The following ADGRG4 variants were observed in gnomAD, a reference collection of about 807,000 sequenced individuals.
ADGRG4 encodes the protein adhesion G protein-coupled receptor G4.
ADGRG4 carries 122 observed loss-of-function variants against 126.2 expected under a neutral mutation model. The observed-to-expected ratio is 0.97, with a 90% CI of 0.83 to 1.12. The LOEUF (loss-of-function observed/expected upper bound fraction) is 1.12, where lower values mean the gene tolerates loss of function less well. Ranked by LOEUF, ADGRG4 falls within the 50% of genes most tolerant of loss-of-function variation. The pLI is 0.00. For synonymous variants in ADGRG4, 943 were observed against 838.7 expected, an observed-to-expected ratio of 1.12 and a Z score of -2.15; for missense variants, 2,481 against 2,251.8, an observed-to-expected ratio of 1.10 and a Z score of -2.06.
Position 136,305,017 on chromosome X carries a change from A to C in ADGRG4, c.-16A>C, listed in dbSNP as rs2074724373. ...TGTGTGTTATGTAATCTTCACAGCAATATGAGGTGAGTTCCATGGTCAGCA... is the reference window on the plus strand; with the variant it reads ...TGTGTGTTATGTAATCTTCACAGCACTATGAGGTGAGTTCCATGGTCAGCA... On this transcript the variant is annotated 5_prime_UTR_variant, in exon 3 of 26. Coordinates refer to ENST00000394143, the MANE Select transcript of ADGRG4 (RefSeq NM_153834.4). The C allele has an allele frequency of 1.8e-5, 2 of 112,171 alleles. No individual in the cohort carries two copies. Among genetic ancestry groups the C allele is most frequent in the African/African-American group, 6.5e-5 (2 of 30,850 alleles). The allele number at this position is 112,171 out of a possible 1,213,427, so 9.2% of individuals were successfully genotyped here. A position where few individuals can be genotyped will look rare whatever the true frequency, so the allele number is the denominator to read the frequency against.
Position 136,379,353 on chromosome X carries a change from T to G in ADGRG4, c.7776+6289T>G, listed in dbSNP as rs769724517. 1.0e-3 allele frequency among the ~76,000 whole-genome samples: 116 copies of G among 111,083 alleles called. 1 individual carries two copies. Among genetic ancestry groups the G allele is most frequent in the Non-Finnish European group, 1.1e-3 (57 of 52,949 alleles). On this transcript the variant is annotated intron_variant, in intron 15 of 25. Coordinates refer to ENST00000394143, the MANE Select transcript of ADGRG4 (RefSeq NM_153834.4). ...TTCTGTAAAGGGCAGATAATAAATA[T>G]TTTAGGCTTTGCAACCCACAGGTGG... is the stretch of plus-strand genomic sequence containing the variant.
intron 20 of ADGRG4, among the ~76,000 whole-genome samples, chrX:136,399,633 G>A (rs1031509924): frequency 9.1e-6 from 1 of 109,777 alleles, no homozygotes; most frequent in Admixed American, 9.7e-5. Context: ...TCTCAACTGC[G>A]TAGTTGAGAG....
Position 136,349,789 on chromosome X carries a change from A to G in ADGRG4, c.6083A>G (p.His2028Arg), listed in dbSNP as rs759273804. 2.2e-5 allele frequency: 26 copies of G among 1,207,956 alleles called. No individual in the cohort carries two copies. In the South Asian group the frequency reaches 4.6e-4, roughly 21 times the overall value. Residue 2028 changes from histidine to arginine, a missense_variant, in exon 6 of 26, where the codon CAT becomes CGT. Coordinates refer to ENST00000394143, the MANE Select transcript of ADGRG4 (RefSeq NM_153834.4). Reference sequence around the variant, plus strand: ...CCGGCAACTGTATCTAATGCCCCTCATGTTATGACTTCCTCTACAGTAGAG... The same window carrying G: ...CCGGCAACTGTATCTAATGCCCCTCGTGTTATGACTTCCTCTACAGTAGAG... ...SPPATVSNAP[H>R]VMTSSTVEVS... is the part of the protein sequence containing the mutation.
intron 5 of ADGRG4, among the ~76,000 whole-genome samples, chrX:136,344,004 T>C (rs1055944944): frequency 6.2e-5 from 7 of 112,050 alleles, no homozygotes; most frequent in Non-Finnish European, 1.1e-4. Context: ...ATTTCTTTAA[T>C]AGATATAGGA....
intron 5 of ADGRG4, among the ~76,000 whole-genome samples, chrX:136,342,921 T>TGTGTGTGTGAGA (rs1251871214): frequency 1.2e-5 from 1 of 84,308 alleles, no homozygotes; most frequent in African/African-American, 4.7e-5. Context: ...TGTGTGTGTG[T>TGTGTGTGTGAGA]GAGAGAGAGA....
intron 15 of ADGRG4, among the ~76,000 whole-genome samples, chrX:136,380,678 C>T (rs1489094831): frequency 1.1e-5 from 1 of 92,524 alleles, no homozygotes; most frequent in Non-Finnish European, 2.1e-5. Context: ...TCTTCCTCCT[C>T]CTCCTCCTCC....
chrX:136,380,612 CT>C (rs1421099766), intron 15 of ADGRG4, among the ~76,000 whole-genome samples: 5 of 69,112 alleles, frequency 7.2e-5, no homozygotes, highest in Non-Finnish European at 1.4e-4. Flanking sequence ...TCCTCTTCTT[CT>C]TCTTCTTCTT....
chrX:136,416,763 TC>T lies in ADGRG4; in HGVS notation c.*275del, dbSNP rs779157546. On this transcript the variant is annotated 3_prime_UTR_variant, in exon 26 of 26. Transcript: ENST00000394143. ...AATCCCAGTAGAGATACTTGCCTCC[TC>T]CCAACCCCTGATTGGGGAAAAGGTT... 4.4e-6 allele frequency: 1 copy of T among 225,803 alleles called. No individual in the cohort carries two copies. Among genetic ancestry groups the T allele is most frequent in the East Asian group, 7.0e-5 (1 of 14,384 alleles). 18.6% of individuals were successfully genotyped at this position (225,803 alleles called of 1,213,427 possible).
chrX:136,318,142 A>G (rs764226448), intron 4 of ADGRG4, among the ~76,000 whole-genome samples: 20 of 112,772 alleles, frequency 1.8e-4, no homozygotes, highest in Admixed American at 1.6e-3. Flanking sequence ...GAAACAATCC[A>G]AATGTCTATT....
chrX:136,414,191 A>C lies in ADGRG4; in HGVS notation c.9069A>C (p.Gly3023=). The C allele has an allele frequency of 8.3e-7, 1 of 1,205,108 alleles. No homozygotes were observed. Among genetic ancestry groups the C allele is most frequent in the Middle Eastern group, 2.3e-4 (1 of 4,332 alleles). ...GCAGCCGGTGTCAGATAAAGGTTGG[A>C]TATAAACAGGAGGGACTAAAGAAAA... ...DGSSRCQIKV[G]YKQEGLKKIF... Residue 3023 remains glycine, a synonymous_variant, in exon 25 of 26, where the codon GGA becomes GGC. Coordinates refer to ENST00000394143, the MANE Select transcript of ADGRG4 (RefSeq NM_153834.4).
chrX:136,403,509 C>A (rs2075390230), intron 22 of ADGRG4, among the ~76,000 whole-genome samples, 187 bp downstream of exon 22: 1 of 112,364 alleles, frequency 8.9e-6, no homozygotes, highest in African/African-American at 3.2e-5. Context: ...TGACCTTGGG[C>A]AAGTTACCTT....
rs2074998620 is a variant in ADGRG4 at position 136,344,500 on chromosome X, A to G, written c.794A>G (p.His265Arg). ...ITGVKPQNTA[H>R]SSTLLSQSIP... is the part of the protein sequence containing the mutation. ...GGAGTAAAACCACAAAATACTGCAC[A>G]TTCCTCTACACTATTGTCTCAAAGC... Residue 265 changes from histidine (H) to arginine (R), a missense_variant, in exon 6 of 26, where the codon CAT becomes CGT. His to Arg is a conservative substitution (Grantham distance 29). Transcript: ENST00000394143. 1.7e-6 allele frequency: 2 copies of G among 1,206,769 alleles called. No homozygotes were observed. Among genetic ancestry groups the G allele is most frequent in the African/African-American group, 3.5e-5 (2 of 57,711 alleles).
intron 4 of ADGRG4, among the ~76,000 whole-genome samples, chrX:136,315,135 G>T (rs892835260): frequency 2.7e-5 from 3 of 110,176 alleles, no homozygotes; most frequent in African/African-American, 9.9e-5. Flanking sequence ...GTTTATCTAA[G>T]GATTAGCCTG....
intron 15 of ADGRG4, among the ~76,000 whole-genome samples, chrX:136,375,035 C>A (rs776939881): frequency 1.3e-4 from 14 of 109,851 alleles, no homozygotes; most frequent in South Asian, 4.0e-4. Flanking sequence ...TTCACCCCCC[C>A]CACCACTCTT....
At position 136,405,684 on chromosome X, in the gene ADGRG4, T is replaced by C. The variant is rs2075401930; in HGVS notation, c.8655-8T>C. 8.7e-7 allele frequency: 1 copy of C among 1,145,447 alleles called. No homozygotes were observed. The highest frequency in any genetic ancestry group is 3.0e-5 in the East Asian group (1 of 32,799). 94.4% of individuals were successfully genotyped at this position (1,145,447 alleles called of 1,213,427 possible). On this transcript the variant is annotated splice_region_variant and splice_polypyrimidine_tract_variant and intron_variant, in intron 22 of 25. Coordinates refer to ENST00000394143, the MANE Select transcript of ADGRG4 (RefSeq NM_153834.4). ...CTATCTCATGATAGTCTTCTTTGTT[T>C]CTTACAGTTGTTGGATTAAAGATGA...
intron 4 of ADGRG4, among the ~76,000 whole-genome samples, chrX:136,309,858 A>G (rs1344113788): frequency 8.9e-6 from 1 of 111,923 alleles, no homozygotes; most frequent in African/African-American, 3.2e-5. Flanking sequence ...AAAGCATCCA[A>G]CACAGGCCTT....
In ADGRG4 at chrX:136,349,746, C is replaced by T; in HGVS notation, c.6040C>T (p.Leu2014Phe). 1.7e-6 allele frequency: 2 copies of T among 1,209,270 alleles called. No individual in the cohort carries two copies. The highest frequency in any genetic ancestry group is 2.2e-6 in the Non-Finnish European group (2 of 893,844). ...SPILTWLLSS[L>F]PSGSPPATVS... ...CATTCTGACATGGCTCTTATCTAGT[C>T]TCCCTTCTGGCTCCCCTCCGGCAAC... Residue 2014 changes from leucine (L) to phenylalanine (F), a missense_variant, in exon 6 of 26, where the codon CTC (leucine) becomes TTC (phenylalanine). Coordinates refer to ENST00000394143, the MANE Select transcript of ADGRG4 (RefSeq NM_153834.4).
At chrX:136,307,702 A>G (rs2074742824) in intron 3 of ADGRG4, among the ~76,000 whole-genome samples, 2 of 112,807 alleles carry the variant, frequency 1.8e-5, no homozygotes, top group African/African-American at 6.4e-5. Flanking sequence ...ATTATCCTAT[A>G]GAAAAAGAAA....
At position 136,344,765 on chromosome X, in the gene ADGRG4, A is replaced by C; in HGVS notation, c.1059A>C (p.Thr353=). Residue 353 remains threonine, a synonymous_variant, in exon 6 of 26, where the codon ACA becomes ACC. Transcript: ENST00000394143. ...TKSPSSESTK[T]TKMVEAMATE... is the part of the protein sequence containing the mutation. ...CTCCATCTTCAGAAAGCACAAAGACAACAAAAATGGTTGAAGCCATGGCTA... is the reference window on the plus strand; with the variant it reads ...CTCCATCTTCAGAAAGCACAAAGACCACAAAAATGGTTGAAGCCATGGCTA... The C allele has an allele frequency of 8.3e-7, 1 of 1,210,365 alleles. No homozygotes were observed. Among genetic ancestry groups the C allele is most frequent in the Non-Finnish European group, 1.1e-6 (1 of 894,749 alleles).
Sources: allele counts gnomAD v4.1 joint callset (sites outside exome capture counted in the v4.1 genomes callset), GRCh38; gene constraint gnomAD v4.1.1; transcripts MANE v1.5; gene names NCBI Gene and HGNC (gene_info 2026-07-23, HGNC 2026-07-21).